Variants in KIF26A observed in about 807,000 individuals in gnomAD.
The protein encoded by KIF26A is kinesin-like protein KIF26A.
KIF26A carries 74 observed loss-of-function variants against 126.0 expected under a neutral mutation model. The ratio of observed to expected loss-of-function variants is 0.59; its 90% confidence interval spans 0.49 to 0.71. KIF26A has a LOEUF of 0.71. Ranked by LOEUF, KIF26A falls within the 30% of genes least tolerant of loss-of-function variation. The probability of loss-of-function intolerance (pLI) is 0.00; values close to 1 mark genes in which losing one functional copy is unlikely to be tolerated. For synonymous variants in KIF26A, 1,445 were observed against 1,232.7 expected (o/e 1.17, Z -3.61); for missense variants, 2,984 against 2,763.3 (o/e 1.08, Z -1.79).
Position 104,178,617 on chromosome 14 carries a change from C to T in KIF26A, c.5178C>T (p.Ser1726=), listed in dbSNP as rs2038063384. ...PDTTALGRKP[S]LPGQWVDLPP... is the part of the protein sequence containing the mutation. Reference sequence around the variant, plus strand: ...CCACTGCCCTGGGCCGTAAGCCCAGCCTCCCCGGGCAGTGGGTGGACCTGC... The same window carrying T: ...CCACTGCCCTGGGCCGTAAGCCCAGTCTCCCCGGGCAGTGGGTGGACCTGC... The change falls in exon 13 of 15, where the codon AGC becomes AGT. Residue 1726 remains serine (S), a synonymous_variant. Transcript: ENST00000423312. 3.9e-6 allele frequency: 6 copies of T among 1,547,108 alleles called. No individual in the cohort carries two copies. The Admixed American group carries it at 9.8e-5, about 25-fold the overall frequency.
At position 104,178,653 on chromosome 14, in the gene KIF26A, G is replaced by T; in HGVS notation, c.5214G>T (p.Leu1738=). The T allele has an allele frequency of 6.4e-7, 1 of 1,556,016 alleles. No individual in the cohort carries two copies. ...AGTGGGTGGACCTGCCCCCGCCCCTGGCTGGCTCCCTGAAGGAGCCGTTCG... is the reference window on the plus strand; with the variant it reads ...AGTGGGTGGACCTGCCCCCGCCCCTTGCTGGCTCCCTGAAGGAGCCGTTCG... ...PGQWVDLPPP[L]AGSLKEPFEI... The change falls in exon 13 of 15, where the codon CTG becomes CTT. Residue 1738 remains leucine, a synonymous_variant. Transcript: ENST00000423312.
rs1341178421 is a variant in KIF26A, at chr14:104,175,298, G to A, written c.2510G>A (p.Arg837His). ...SKGPRDADHF[R>H]CSTFAELQER... ...GGTCCCCGAGACGCAGACCACTTCCGCTGCAGCACCTTCGCGGAGCTGCAG... is the reference window on the plus strand; with the variant it reads ...GGTCCCCGAGACGCAGACCACTTCCACTGCAGCACCTTCGCGGAGCTGCAG... Residue 837 changes from arginine (R) to histidine (H), a missense_variant, in exon 12 of 15, where the codon CGC (arginine) becomes CAC (histidine). Coordinates refer to ENST00000423312, the MANE Select transcript of KIF26A (RefSeq NM_015656.2). The A allele has an allele frequency of 8.7e-6, 14 of 1,604,874 alleles. No homozygotes were observed. Among genetic ancestry groups the A allele is most frequent in the Admixed American group, 1.7e-5 (1 of 59,956 alleles).
At position 104,173,197 on chromosome 14, in the gene KIF26A, T is replaced by C; in HGVS notation, c.1641T>C (p.Ser547=). Residue 547 remains serine, a synonymous_variant, in exon 8 of 15, where the codon TCT becomes TCC. Coordinates refer to ENST00000423312, the MANE Select transcript of KIF26A (RefSeq NM_015656.2). ...VAPGSLQDTQ[S]PGVYLREDPV... ...CTGGCAGCCTCCAGGACACCCAGTC[T>C]CCGGGAGTGTACCTGCGGGAGGACC... 2 of 1,611,544 alleles carry C rather than the reference T, an allele frequency of 1.2e-6. No homozygotes were observed. Among genetic ancestry groups the C allele is most frequent in the Non-Finnish European group, 1.7e-6 (2 of 1,179,238 alleles).
At chr14:104,150,971 C>G (rs1319445738) in intron 2 of KIF26A, among the ~76,000 whole-genome samples, 1 of 152,174 alleles carries the variant, frequency 6.6e-6, no homozygotes, top group Non-Finnish European at 1.5e-5. Context: ...GGCCCCCTCC[C>G]CAGAGAGCAG....
Position 104,178,644 on chromosome 14 carries a change from C to G in KIF26A, c.5205C>G (p.Pro1735=), listed in dbSNP as rs763079228. ...TCCCCGGGCAGTGGGTGGACCTGCCCCCGCCCCTGGCTGGCTCCCTGAAGG... is the reference window on the plus strand; with the variant it reads ...TCCCCGGGCAGTGGGTGGACCTGCCGCCGCCCCTGGCTGGCTCCCTGAAGG... ...PSLPGQWVDL[P]PPLAGSLKEP... is the part of the protein sequence containing the mutation. Residue 1735 remains proline (P), a synonymous_variant, in exon 13 of 15, where the codon CCC becomes CCG. Transcript: ENST00000423312. 3.9e-6 allele frequency: 6 copies of G among 1,552,624 alleles called. No individual in the cohort carries two copies. Among genetic ancestry groups the G allele is most frequent in the Non-Finnish European group, 5.2e-6 (6 of 1,148,592 alleles).
chr14:104,141,081 G>A (rs554210422), intron 2 of KIF26A, among the ~76,000 whole-genome samples: 79 of 152,348 alleles, frequency 5.2e-4, no homozygotes, highest in African/African-American at 1.8e-3. Context: ...TCCCCTGTGC[G>A]GGCCTGGGCT....
rs2037728590 is a variant in KIF26A at position 104,151,448 on chromosome 14, G to A, written c.289-567G>A. Among the ~76,000 whole-genome samples the A allele has an allele frequency of 1.3e-5, 2 of 152,182 alleles. No individual in the cohort carries two copies. Among genetic ancestry groups the A allele is most frequent in the South Asian group, 2.1e-4 (1 of 4,826 alleles). On this transcript the variant is annotated intron_variant, in intron 2 of 14. Coordinates refer to ENST00000423312, the MANE Select transcript of KIF26A (RefSeq NM_015656.2). This position sits in a 1 kb window ranked among gnomAD's most constrained non-coding sequence, Gnocchi z 4.9. ...GATCCTGCGGCTCTTGCGCCCCTTC[G>A]GTGAGCTCATGTGCCCTCTAGGAGC... is the stretch of plus-strand genomic sequence containing the variant.
At chr14:104,169,678 T>G (rs542752900) in intron 5 of KIF26A, among the ~76,000 whole-genome samples, 1 of 152,266 alleles carries the variant, frequency 6.6e-6, no homozygotes, top group Non-Finnish European at 1.5e-5. Context: ...CTACTTAAGA[T>G]AATTCATCAC....
chr14:104,179,584 C>T (rs1440999569), intron 14 of KIF26A, 25 bp from the exon 15 acceptor site: 13 of 1,488,682 alleles, frequency 8.7e-6, no homozygotes, highest in Middle Eastern at 2.3e-4. Flanking sequence ...ACGCAGGTGC[C>T]CCTCCCCTCT....
In KIF26A at chr14:104,177,868, A is replaced by G. The variant is rs755302306; in HGVS notation, c.5080A>G (p.Ser1694Gly). 1.9e-6 allele frequency: 3 copies of G among 1,554,456 alleles called. No homozygotes were observed. In the African/African-American group the frequency reaches 4.1e-5, roughly 21 times the overall value. ...TGCCTCCCCAGGCGCCCGCACCCGC[A>G]GCCTCAAGTCCCCCAAGAAGAGGGC... is the stretch of plus-strand genomic sequence containing the variant. ...GAASPGARTRSLKSPKKRATG... is the reference protein window; with the variant it reads ...GAASPGARTRGLKSPKKRATG... The change falls in exon 12 of 15, where the codon AGC (serine) becomes GGC (glycine). Residue 1694 changes from serine (S) to glycine (G), a missense_variant. Coordinates refer to ENST00000423312, the MANE Select transcript of KIF26A (RefSeq NM_015656.2).
chr14:104,149,941 C>T (rs1442441358), intron 2 of KIF26A, among the ~76,000 whole-genome samples: 1 of 152,218 alleles, frequency 6.6e-6, no homozygotes. Context: ...ACCAGGGCAG[C>T]CTCCTGCTGA....
chr14:104,165,105 CTGTG>C (rs368284781), intron 4 of KIF26A, among the ~76,000 whole-genome samples: 11 of 149,404 alleles, frequency 7.4e-5, no homozygotes, highest in Non-Finnish European at 1.5e-4. Context: ...GTGTGTGTCT[CTGTG>C]TGTGTGTCTC....
Position 104,176,673 on chromosome 14 carries a change from C to T in KIF26A, c.3885C>T (p.Arg1295=), listed in dbSNP as rs1435892443. The stretch of plus-strand genomic sequence containing the variant: ...GTGAGGTGGCAGCCAGGGCGGCCCG[C>T]AGGCCAGAGGCTGTGGCTCGGATCC... ...DGCEVAARAA[R]RPEAVARIPP... Residue 1295 remains arginine (R), a synonymous_variant, in exon 12 of 15, where the codon CGC becomes CGT. Coordinates refer to ENST00000423312, the MANE Select transcript of KIF26A (RefSeq NM_015656.2). The T allele has an allele frequency of 6.3e-7, 1 of 1,598,066 alleles. No homozygotes were observed. The highest frequency in any genetic ancestry group is 8.5e-7 in the Non-Finnish European group (1 of 1,172,160).
At chr14:104,179,204 A>G in intron 13 of KIF26A, 32 bp from the exon 14 acceptor site, 1 of 1,430,918 alleles carries the variant, frequency 7.0e-7, no homozygotes, top group South Asian at 1.5e-5. Context: ...AGAGGGTCCC[A>G]TGCCTGAGCC....
chr14:104,139,005 C>T, intron 1 of KIF26A, 38 bp from the exon 2 acceptor site: 2 of 1,327,970 alleles, frequency 1.5e-6, no homozygotes, highest in Non-Finnish European at 1.9e-6. Context: ...GACGGACGTC[C>T]CAGGCTCACT....
intron 3 of KIF26A, among the ~76,000 whole-genome samples, chr14:104,156,328 C>T (rs535861504): frequency 4.6e-4 from 70 of 152,288 alleles, no homozygotes; most frequent in African/African-American, 1.5e-3. Context: ...GGGCTGGGTT[C>T]AGAGGGATGT....
intron 3 of KIF26A, among the ~76,000 whole-genome samples, chr14:104,156,762 C>T (rs908938087): frequency 2.0e-5 from 3 of 152,206 alleles, no homozygotes; most frequent in Non-Finnish European, 4.4e-5. Context: ...CTGGCCTGTG[C>T]CACTTGGGAC....
At chr14:104,174,045 G>T in intron 10 of KIF26A, 103 bp from the exon 11 acceptor site, 1 of 1,410,398 alleles carries the variant, frequency 7.1e-7, no homozygotes. Context: ...GGCTGGTGCC[G>T]GAGCTGGGTG....
Position 104,179,769 on chromosome 14 carries a change from G to T in KIF26A, c.5628G>T (p.Gly1876=), listed in dbSNP as rs545757125. The change falls in exon 15 of 15, where the codon GGG becomes GGT. Residue 1876 remains glycine, a synonymous_variant. Transcript: ENST00000423312. The part of the protein sequence containing the change: ...ISVAASAAIP[G]PQEVDV The stretch of plus-strand genomic sequence containing the variant: ...TTGCAGCCAGTGCTGCCATCCCGGG[G>T]CCGCAGGAGGTGGACGTCTGAGGCT... 163 of 1,544,080 alleles carry T rather than the reference G, an allele frequency of 1.1e-4. 2 individuals are homozygous for T. In the South Asian group the frequency reaches 1.2e-3, roughly 11 times the overall value.
Sources: gnomAD v4.1 joint callset for allele counts (sites outside exome capture counted in the v4.1 genomes callset) on GRCh38, gnomAD v4.1.1 for gene constraint, Gnocchi (gnomAD v3.1) non-coding constraint, MANE v1.5 for transcripts, NCBI Gene and HGNC (gene_info 2026-07-23, HGNC 2026-07-21) for gene names.